The following LRFN5 variants were observed in gnomAD, a reference collection of about 807,000 sequenced individuals.
The protein encoded by LRFN5 is leucine-rich repeat and fibronectin type-III domain-containing protein 5.
Under a neutral mutation model 45.6 loss-of-function variants are expected in LRFN5, and 24 were observed. That is an observed-to-expected ratio of 0.53 (90% CI 0.38 to 0.74). The LOEUF (loss-of-function observed/expected upper bound fraction) is 0.74. Among genes scored for constraint, LRFN5 ranks in the 30% least tolerant of loss-of-function variants. The probability of loss-of-function intolerance (pLI) is 0.00; values close to 1 mark genes in which losing one functional copy is unlikely to be tolerated. For missense variants in LRFN5, 776 were observed against 861.5 expected, an observed-to-expected ratio of 0.90 and a Z score of 1.24; for synonymous variants, 340 against 313.8, an observed-to-expected ratio of 1.08 and a Z score of -0.88.
intron 1 of LRFN5, among the ~76,000 whole-genome samples, chr14:41,677,252 A>G (rs1881674454): frequency 6.6e-6 from 1 of 152,210 alleles, no homozygotes; most frequent in Non-Finnish European, 1.5e-5. Flanking sequence ...CCAAGTAGAC[A>G]ACAGCTACCA....
chr14:41,610,661 T>TAAAAAAAAAAAAAAAAA (rs199770856), intron 1 of LRFN5, among the ~76,000 whole-genome samples: 1,324 of 37,140 alleles, frequency 0.036, 271 homozygotes, highest in Non-Finnish European at 0.061. Flanking sequence ...CCAGGGAAGG[T>TAAAAAAAAAAAAAAAAA]AAAAAAAAAA....
chr14:41,695,016 C>G (rs1322356491), intron 1 of LRFN5, among the ~76,000 whole-genome samples: 1 of 151,882 alleles, frequency 6.6e-6, no homozygotes, highest in Non-Finnish European at 1.5e-5. Context: ...GTTGTAAATA[C>G]AAAAGTTATT....
At chr14:41,634,307 CT>C (rs1594568304) in intron 1 of LRFN5, among the ~76,000 whole-genome samples, 1 of 152,064 alleles carries the variant, frequency 6.6e-6, no homozygotes, top group East Asian at 1.9e-4. Context: ...AGCCATACTC[CT>C]TTTTGAATAG....
At chr14:41,622,424 G>A (rs1888169095) in intron 1 of LRFN5, among the ~76,000 whole-genome samples, 2 of 151,886 alleles carry the variant, frequency 1.3e-5, no homozygotes. Context: ...ATTTGTATAA[G>A]CTAAGCTTTG....
chr14:41,639,559 A>T (rs1180610845), intron 1 of LRFN5, among the ~76,000 whole-genome samples: 1 of 152,090 alleles, frequency 6.6e-6, no homozygotes, highest in Non-Finnish European at 1.5e-5. Flanking sequence ...ATAAAACTTG[A>T]CCTACCTACC....
At chr14:41,878,252 A>G (rs1040528998) in intron 2 of LRFN5, among the ~76,000 whole-genome samples, 1 of 152,196 alleles carries the variant, frequency 6.6e-6, no homozygotes, top group Non-Finnish European at 1.5e-5. Context: ...AACAGACATT[A>G]ACATTTGTCC....
chr14:41,690,977 G>T (rs1445406436), intron 1 of LRFN5, among the ~76,000 whole-genome samples: 1 of 151,812 alleles, frequency 6.6e-6, no homozygotes, highest in Non-Finnish European at 1.5e-5. Flanking sequence ...TCCTGACACA[G>T]AATAAAAGAG....
chr14:41,884,399 T>C (rs1890492249), intron 2 of LRFN5, among the ~76,000 whole-genome samples: 1 of 152,168 alleles, frequency 6.6e-6, no homozygotes, highest in African/African-American at 2.4e-5. Flanking sequence ...TCATTTTTAT[T>C]AACTAGATCA....
chr14:41,613,589 A>G (rs960458240), intron 1 of LRFN5, among the ~76,000 whole-genome samples: 1 of 151,988 alleles, frequency 6.6e-6, no homozygotes, highest in Non-Finnish European at 1.5e-5. Context: ...GTGGAAAACA[A>G]TTGTAGAATT....
intron 5 of LRFN5, among the ~76,000 whole-genome samples, chr14:41,901,861 A>C (rs1891111257): frequency 6.6e-6 from 1 of 152,020 alleles, no homozygotes; most frequent in Admixed American, 6.6e-5. Context: ...ATTCTTTTCA[A>C]GTAAATTTTC....
chr14:41,760,458 CAG>C (rs1168421540), intron 1 of LRFN5, among the ~76,000 whole-genome samples: 6 of 152,080 alleles, frequency 3.9e-5, no homozygotes, highest in East Asian at 1.9e-4. Flanking sequence ...AATAAACAAA[CAG>C]AACTTGCACT....
At chr14:41,696,821 T>C (rs750269956) in intron 1 of LRFN5, among the ~76,000 whole-genome samples, 36 of 152,082 alleles carry the variant, frequency 2.4e-4, no homozygotes, top group Non-Finnish European at 4.7e-4. Flanking sequence ...TAGTGACTAA[T>C]GATGCCAGGC....
intron 1 of LRFN5, among the ~76,000 whole-genome samples, chr14:41,641,535 A>T (rs564093181): frequency 2.0e-5 from 3 of 152,260 alleles, no homozygotes; most frequent in Non-Finnish European, 2.9e-5. Context: ...TTACATAAAC[A>T]TCAGTACTTT....
chr14:41,655,205 C>T (rs1880320917), intron 1 of LRFN5, among the ~76,000 whole-genome samples: 1 of 151,790 alleles, frequency 6.6e-6, no homozygotes, highest in African/African-American at 2.4e-5. Flanking sequence ...AACAAGCAAA[C>T]AAATAAAATA....
At chr14:41,620,588 G>A (rs1888090886) in intron 1 of LRFN5, among the ~76,000 whole-genome samples, 1 of 151,946 alleles carries the variant, frequency 6.6e-6, no homozygotes. Context: ...TTTTCCCACT[G>A]ATGTCTATCT....
Position 41,691,461 on chromosome 14 carries a change from G to A in LRFN5, c.-196-75393G>A, listed in dbSNP as rs148032761. Among the ~76,000 whole-genome samples the A allele has an allele frequency of 9.8e-3, 1,493 of 152,098 alleles. 7 individuals carry two copies. The highest frequency in any genetic ancestry group is 0.02 in the East Asian group (104 of 5,176). The stretch of plus-strand genomic sequence containing the variant: ...AAAACAAACTCTTTATGATTTCAAT[G>A]CTTAATGATATTTAGAAGCCCATCA... On this transcript the variant is annotated intron_variant, in intron 1 of 5. Coordinates refer to ENST00000298119, the MANE Select transcript of LRFN5 (RefSeq NM_152447.5).
At chr14:41,647,357 G>C (rs777025325) in intron 1 of LRFN5, among the ~76,000 whole-genome samples, 17 of 152,116 alleles carry the variant, frequency 1.1e-4, no homozygotes, top group African/African-American at 1.7e-4. Flanking sequence ...ACCCAAAGAA[G>C]TTTGGGCATT....
intron 1 of LRFN5, among the ~76,000 whole-genome samples, chr14:41,711,140 A>G (rs190950634): frequency 6.6e-6 from 1 of 152,308 alleles, no homozygotes; most frequent in African/African-American, 2.4e-5. Context: ...CTGAAGAAAC[A>G]TCTTACTACA....
At chr14:41,821,736 G>T (rs920565076) in intron 2 of LRFN5, among the ~76,000 whole-genome samples, 1 of 147,880 alleles carries the variant, frequency 6.8e-6, no homozygotes, top group Non-Finnish European at 1.5e-5. Context: ...ATAGAAATTG[G>T]CTGTGAATCC....
Sources: gnomAD v4.1 joint callset for allele counts (sites outside exome capture counted in the v4.1 genomes callset) on GRCh38, gnomAD v4.1.1 for gene constraint, MANE v1.5 for transcripts, NCBI Gene and HGNC (gene_info 2026-07-23, HGNC 2026-07-21) for gene names.